KIAA0319L: variants seen among roughly 807,000 people sequenced by gnomAD.
KIAA0319L encodes the protein dyslexia-associated protein KIAA0319-like protein.
A neutral mutation model predicts 120.1 loss-of-function variants in KIAA0319L; 55 were observed. The ratio of observed to expected loss-of-function variants is 0.46; its 90% confidence interval spans 0.37 to 0.57. The LOEUF (loss-of-function observed/expected upper bound fraction) is 0.57. KIAA0319L is among the 20% of genes least tolerant of loss of function. The probability of loss-of-function intolerance (pLI) is 0.00; values close to 1 mark genes in which losing one functional copy is unlikely to be tolerated. For missense variants in KIAA0319L, 1,049 were observed against 1,255.3 expected, an observed-to-expected ratio of 0.84 and a Z score of 2.48; for synonymous variants, 398 against 471.9, an observed-to-expected ratio of 0.84 and a Z score of 2.03.
At chr1:35,519,457 CGCT>C (rs754461478) in intron 2 of KIAA0319L, among the ~76,000 whole-genome samples, 7 of 152,158 alleles carry the variant, frequency 4.6e-5, no homozygotes, top group Non-Finnish European at 8.8e-5. Context: ...CAGGCTGCTT[CGCT>C]GCTGCCTTTC....
At chr1:35,496,948 A>G (rs1558484316) in intron 3 of KIAA0319L, among the ~76,000 whole-genome samples, 1 of 126,158 alleles carries the variant, frequency 7.9e-6, no homozygotes, top group African/African-American at 3.5e-5. Context: ...TTGTGTCTCC[A>G]AAAAAAAAAA....
intron 16 of KIAA0319L, among the ~76,000 whole-genome samples, chr1:35,446,970 C>T (rs890654110): frequency 1.2e-4 from 19 of 152,184 alleles, no homozygotes; most frequent in Middle Eastern, 3.2e-3. Flanking sequence ...CGCCTGCCTT[C>T]CCAATCTCAG....
intron 3 of KIAA0319L, among the ~76,000 whole-genome samples, chr1:35,494,146 T>C (rs1424285981): frequency 6.6e-6 from 1 of 152,084 alleles, no homozygotes; most frequent in East Asian, 1.9e-4. Flanking sequence ...TTAAACATCA[T>C]CTGATTTAAA....
intron 6 of KIAA0319L, among the ~76,000 whole-genome samples, chr1:35,468,044 T>C (rs1253494524): frequency 1.3e-5 from 2 of 152,190 alleles, no homozygotes; most frequent in East Asian, 1.9e-4. Context: ...AACAAATGTG[T>C]CAAATTTCAC....
intron 2 of KIAA0319L, among the ~76,000 whole-genome samples, chr1:35,540,715 C>G (rs959162734): frequency 6.6e-6 from 1 of 152,180 alleles, no homozygotes; most frequent in Non-Finnish European, 1.5e-5. Flanking sequence ...ATCAAATTGT[C>G]TAGTCTCCTA....
intron 13 of KIAA0319L, among the ~76,000 whole-genome samples, chr1:35,450,905 T>C (rs1642012119): frequency 6.6e-6 from 1 of 152,258 alleles, no homozygotes; most frequent in Non-Finnish European, 1.5e-5. Context: ...CAAAATATCT[T>C]AAAATGTTAT....
chr1:35,458,492 T>C (rs1396711127), intron 9 of KIAA0319L, among the ~76,000 whole-genome samples: 1 of 151,976 alleles, frequency 6.6e-6, no homozygotes. Flanking sequence ...ATTTCATAGA[T>C]TTTTTTTAAA....
chr1:35,476,656 T>C (rs917034569), intron 4 of KIAA0319L, among the ~76,000 whole-genome samples: 1 of 152,100 alleles, frequency 6.6e-6, no homozygotes, highest in Non-Finnish European at 1.5e-5. Flanking sequence ...AACCAAAAAA[T>C]GGCTATTCAA....
At chr1:35,470,492 C>CAAAAAAAAAAAAAAAAAAAAAT in intron 6 of KIAA0319L, among the ~76,000 whole-genome samples, 1 of 73,436 alleles carries the variant, frequency 1.4e-5, no homozygotes, top group Non-Finnish European at 2.6e-5. Flanking sequence ...GACCCTGTCT[C>CAAAAAAAAAAAAAAAAAAAAAT]AAAAAAAAAA....
At chr1:35,514,249 C>T (rs988869656) in intron 2 of KIAA0319L, among the ~76,000 whole-genome samples, 1 of 151,758 alleles carries the variant, frequency 6.6e-6, no homozygotes, top group Non-Finnish European at 1.5e-5. Context: ...CACACATAGT[C>T]GGGCTGACAA....
intron 2 of KIAA0319L, among the ~76,000 whole-genome samples, chr1:35,547,055 G>C (rs1164224947): frequency 6.2e-5 from 9 of 144,164 alleles, no homozygotes; most frequent in African/African-American, 2.3e-4. Context: ...ATTATTACAT[G>C]TTTATATACA....
At chr1:35,461,999 A>C (rs1010391004) in intron 8 of KIAA0319L, among the ~76,000 whole-genome samples, 12 of 152,186 alleles carry the variant, frequency 7.9e-5, no homozygotes, top group South Asian at 6.2e-4. Flanking sequence ...AAAACAAAAC[A>C]AAACCAAAAA....
At chr1:35,555,339 G>A (rs1430611395) in intron 1 of KIAA0319L, among the ~76,000 whole-genome samples, 2 of 152,054 alleles carry the variant, frequency 1.3e-5, no homozygotes, top group African/African-American at 4.8e-5. Flanking sequence ...TCCAGCAAAC[G>A]ACACAGGCTG....
chr1:35,496,947 CAAAA>C (rs754043280), intron 3 of KIAA0319L, among the ~76,000 whole-genome samples: 3 of 50,214 alleles, frequency 6.0e-5, no homozygotes, highest in African/African-American at 8.4e-5. Flanking sequence ...ATTGTGTCTC[CAAAA>C]AAAAAAAAAA....
chr1:35,478,617 A>C (rs1644009352), intron 4 of KIAA0319L, among the ~76,000 whole-genome samples: 1 of 152,254 alleles, frequency 6.6e-6, no homozygotes, highest in African/African-American at 2.4e-5. Context: ...AAAATGAGAG[A>C]CCTACAACCA....
At chr1:35,545,766 G>A (rs527559655) in intron 2 of KIAA0319L, among the ~76,000 whole-genome samples, 1 of 152,178 alleles carries the variant, frequency 6.6e-6, no homozygotes, top group South Asian at 2.1e-4. Flanking sequence ...GTGGTGGCAG[G>A]TGCCTGTAAT....
intron 10 of KIAA0319L, 64 bp downstream of exon 10, chr1:35,455,948 TA>T: frequency 8.0e-7 from 1 of 1,254,244 alleles, no homozygotes; most frequent in Non-Finnish European, 1.1e-6. Context: ...TGGAGGTTTC[TA>T]AAAATGCAGT....
At chr1:35,531,422 G>A (rs1363565648) in intron 2 of KIAA0319L, among the ~76,000 whole-genome samples, 1 of 152,140 alleles carries the variant, frequency 6.6e-6, no homozygotes, top group East Asian at 1.9e-4. Context: ...ATGTAGAGAG[G>A]CAGGGGCTAT....
In KIAA0319L at chr1:35,524,887, A is replaced by G. The variant is rs191740835; in HGVS notation, c.143-17752T>C. On this transcript the variant is annotated intron_variant, in intron 2 of 20. Transcript: ENST00000325722. The stretch of plus-strand genomic sequence containing the variant: ...TTCTAGCTATCTTTAAATATACAAT[A>G]CATTGTTGTTAACTATAGTTACCCT... 2.0e-5 allele frequency among the ~76,000 whole-genome samples: 3 copies of G among 152,300 alleles called. No homozygotes were observed. In the East Asian group the frequency reaches 5.8e-4, roughly 29 times the overall value.
Sources: allele counts gnomAD v4.1 joint callset (sites outside exome capture counted in the v4.1 genomes callset), GRCh38; gene constraint gnomAD v4.1.1; transcripts MANE v1.5; gene names NCBI Gene and HGNC (gene_info 2026-07-23, HGNC 2026-07-21).